BEND5: variants seen among roughly 807,000 people sequenced by gnomAD.
The protein encoded by BEND5 is BEN domain-containing protein 5.
A neutral mutation model predicts 43.9 loss-of-function variants in BEND5; 22 were observed. That is an observed-to-expected ratio of 0.50 (90% CI 0.36 to 0.72). The LOEUF (loss-of-function observed/expected upper bound fraction) is 0.72, where lower values mean the gene tolerates loss of function less well. Ranked by LOEUF, BEND5 falls within the 30% of genes least tolerant of loss-of-function variation. The pLI is 0.00. For missense variants in BEND5, 428 were observed against 550.6 expected, an observed-to-expected ratio of 0.78 and a Z score of 2.23; for synonymous variants, 228 against 225.9, an observed-to-expected ratio of 1.01 and a Z score of -0.08.
At chr1:48,758,384 C>T (rs894814145) in intron 3 of BEND5, among the ~76,000 whole-genome samples, 17 of 152,224 alleles carry the variant, frequency 1.1e-4, no homozygotes, top group Non-Finnish European at 2.1e-4. Context: ...CCTTGAAACA[C>T]TGCCCAACCT....
chr1:48,742,550 C>A, intron 4 of BEND5, 73 bp downstream of exon 4: 1 of 1,346,918 alleles, frequency 7.4e-7, no homozygotes, highest in Admixed American at 2.8e-5. Context: ...TTGGAAAGCT[C>A]CCACCATACT....
intron 3 of BEND5, among the ~76,000 whole-genome samples, chr1:48,747,472 G>A (rs1650951113): frequency 6.6e-6 from 1 of 152,196 alleles, no homozygotes; most frequent in Non-Finnish European, 1.5e-5. Context: ...AAGAGGCACT[G>A]GGGACCCAGA....
At chr1:48,752,098 G>A (rs991061448) in intron 3 of BEND5, among the ~76,000 whole-genome samples, 5 of 152,100 alleles carry the variant, frequency 3.3e-5, no homozygotes, top group Non-Finnish European at 5.9e-5. Flanking sequence ...ACTCTAAACC[G>A]GCAGGCAGAC....
intron 5 of BEND5, among the ~76,000 whole-genome samples, chr1:48,728,370 T>TAA (rs1410070882): frequency 6.6e-6 from 1 of 150,974 alleles, no homozygotes; most frequent in African/African-American, 2.4e-5. Flanking sequence ...CCTGAACTTT[T>TAA]GCCTTTTTTT....
chr1:48,765,689 G>A (rs1363619869), intron 1 of BEND5, among the ~76,000 whole-genome samples: 1 of 152,134 alleles, frequency 6.6e-6, no homozygotes, highest in Non-Finnish European at 1.5e-5. Flanking sequence ...CTTATGAATG[G>A]ATAACAAAAT....
At chr1:48,747,807 G>T (rs1311733801) in intron 3 of BEND5, among the ~76,000 whole-genome samples, 1 of 152,164 alleles carries the variant, frequency 6.6e-6, no homozygotes, top group African/African-American at 2.4e-5. Flanking sequence ...TTATGTTTGT[G>T]TGACTTCCGG....
intron 3 of BEND5, among the ~76,000 whole-genome samples, chr1:48,750,419 C>G (rs1036444339): frequency 2.6e-5 from 4 of 152,170 alleles, no homozygotes; most frequent in Non-Finnish European, 5.9e-5. Context: ...TTAGGCTCTC[C>G]TGTTGCCTGA....
intron 1 of BEND5, among the ~76,000 whole-genome samples, chr1:48,765,054 C>CA (rs1201136811): frequency 3.9e-5 from 6 of 152,228 alleles, no homozygotes; most frequent in African/African-American, 1.2e-4. Flanking sequence ...ATGTGCTAGA[C>CA]AAACTCTGCT....
intron 3 of BEND5, among the ~76,000 whole-genome samples, chr1:48,751,094 G>A (rs1011790051): frequency 6.6e-6 from 1 of 152,096 alleles, no homozygotes; most frequent in African/African-American, 2.4e-5. Flanking sequence ...TCCCCTCTCT[G>A]GGCCTCAGTT....
chr1:48,773,895 G>A (rs1486561537), intron 1 of BEND5, among the ~76,000 whole-genome samples: 1 of 152,226 alleles, frequency 6.6e-6, no homozygotes, highest in Non-Finnish European at 1.5e-5. Flanking sequence ...AGACTATCAG[G>A]AAAGAAGGAG....
At position 48,759,301 on chromosome 1, in the gene BEND5, G is replaced by A. The variant is rs1325004557; in HGVS notation, c.361-17C>T. The A allele has an allele frequency of 6.5e-7, 1 of 1,550,006 alleles. No homozygotes were observed. On this transcript the variant is annotated splice_polypyrimidine_tract_variant and intron_variant, in intron 2 of 5. Transcript: ENST00000371833. ...CTCAGGTCTCTGTGTAGGACAACGA[G>A]AATCAGTTCAGGCAAGGGCAGCTGG...
At chr1:48,738,415 T>C (rs1379659685) in intron 4 of BEND5, among the ~76,000 whole-genome samples, 3 of 152,204 alleles carry the variant, frequency 2.0e-5, no homozygotes, top group Non-Finnish European at 4.4e-5. Flanking sequence ...ACTACCTGGC[T>C]GCTGGCTAGG....
intron 3 of BEND5, among the ~76,000 whole-genome samples, chr1:48,749,424 C>A (rs1316273618): frequency 6.6e-6 from 1 of 152,136 alleles, no homozygotes; most frequent in Non-Finnish European, 1.5e-5. Context: ...GGTGGTCCTA[C>A]AAAATCGATC....
intron 2 of BEND5, 199 bp from the exon 3 acceptor site, chr1:48,759,483 G>A (rs1295183894): frequency 1.6e-5 from 18 of 1,101,376 alleles, no homozygotes; most frequent in South Asian, 3.4e-5. Context: ...ATGGGGTTCC[G>A]AGTGGGGAAG....
intron 3 of BEND5, among the ~76,000 whole-genome samples, chr1:48,755,466 A>C (rs1465926724): frequency 1.3e-5 from 2 of 152,210 alleles, no homozygotes; most frequent in Non-Finnish European, 2.9e-5. Context: ...TGGACAAAAA[A>C]TGAAAATACT....
intron 1 of BEND5, among the ~76,000 whole-genome samples, chr1:48,774,602 T>A (rs1431248022): frequency 2.0e-5 from 3 of 152,242 alleles, no homozygotes; most frequent in East Asian, 3.8e-4. Flanking sequence ...TTGGGTTTTT[T>A]AAATAACCAT....
rs778715634 is a variant in BEND5, at chr1:48,736,236, T to C, written c.1108+3A>G. 1 of 1,613,430 alleles carries C rather than the reference T, an allele frequency of 6.2e-7. No homozygotes were observed. Among genetic ancestry groups the C allele is most frequent in the Non-Finnish European group, 8.5e-7 (1 of 1,179,332 alleles). ...GCCATTGTGTTTCCACTCAGTGACC[T>C]ACCTCTGACGATGCTTAGTTTGTGA... On this transcript the variant is annotated splice_donor_region_variant and intron_variant, in intron 5 of 5. Transcript: ENST00000371833. This position sits in a 1 kb window ranked among gnomAD's most constrained non-coding sequence, Gnocchi z 4.0.
At chr1:48,759,352 T>C in intron 2 of BEND5, 68 bp from the exon 3 acceptor site, 1 of 1,507,878 alleles carries the variant, frequency 6.6e-7, no homozygotes, top group Non-Finnish European at 8.9e-7. Flanking sequence ...CAGATCAATA[T>C]TTCCCCAGAC....
chr1:48,756,427 C>T (rs1181715732), intron 3 of BEND5, among the ~76,000 whole-genome samples: 1 of 152,186 alleles, frequency 6.6e-6, no homozygotes, highest in East Asian at 1.9e-4. Context: ...ACTTTAAACT[C>T]CTCAAGGGCA....
Sources: gnomAD v4.1 joint callset for allele counts (sites outside exome capture counted in the v4.1 genomes callset) on GRCh38, gnomAD v4.1.1 for gene constraint, Gnocchi (gnomAD v3.1) non-coding constraint, MANE v1.5 for transcripts, NCBI Gene and HGNC (gene_info 2026-07-23, HGNC 2026-07-21) for gene names.